POLG: variants seen among roughly 807,000 people sequenced by gnomAD.
POLG encodes the protein DNA polymerase subunit gamma-1.
In POLG, 110 loss-of-function variants were observed where a neutral mutation model predicts 155.4. The observed-to-expected ratio is 0.71, with a 90% CI of 0.61 to 0.83. The LOEUF (loss-of-function observed/expected upper bound fraction) is 0.83. Among genes scored for constraint, POLG ranks in the 40% least tolerant of loss-of-function variants. POLG has a pLI of 0.00. For missense variants in POLG, 1,685 were observed against 1,627.5 expected, an observed-to-expected ratio of 1.04 and a Z score of -0.61; for synonymous variants, 701 against 631.5, an observed-to-expected ratio of 1.11 and a Z score of -1.65.
Position 89,334,065 on chromosome 15 carries a change from C to T in POLG, c.-159-152G>A, listed in dbSNP as rs2055637197. ...TTAAGCCTCAAAACTTGGGAAACGT[C>T]AATACCCCTCCTGGGGGAACCGGGG... On this transcript the variant is annotated intron_variant, in intron 1 of 22. Transcript: ENST00000268124. 11 of 452,698 alleles carry T rather than the reference C, an allele frequency of 2.4e-5. No individual in the cohort carries two copies. In the South Asian group the frequency reaches 2.5e-4, roughly 10 times the overall value. The allele number at this position is 452,698 out of a possible 1,614,324, so 28.0% of individuals were successfully genotyped here.
chr15:89,323,606 C>A (rs992081910), intron 12 of POLG, 95 bp from the exon 13 acceptor site: 2 of 877,986 alleles, frequency 2.3e-6, no homozygotes, highest in Non-Finnish European at 1.9e-6. Flanking sequence ...CTGAAACTGT[C>A]GTCATCAGCT....
At chr15:89,317,304 T>C (rs570733403) in intron 22 of POLG, 72 bp downstream of exon 22, 2 of 1,513,332 alleles carry the variant, frequency 1.3e-6, no homozygotes, top group East Asian at 2.3e-5. Flanking sequence ...CCAAGTTTCC[T>C]GTTCTCCAAG....
In POLG at chr15:89,334,793, C is replaced by G. The variant is rs918405846; in HGVS notation, c.-280G>C. On this transcript the variant is annotated 5_prime_UTR_variant, in exon 1 of 23. Transcript: ENST00000268124. ...GCGTGTGGCCTCCACCCGGCCGGTC[C>G]GCTTCGCTGGCAGCCGCAACTTCCC... The G allele has an allele frequency of 9.8e-5, 15 of 152,334 alleles. No individual in the cohort carries two copies. Among genetic ancestry groups the G allele is most frequent in the African/African-American group, 3.6e-4 (15 of 41,474 alleles). The allele number at this position is 152,334 out of a possible 1,614,324, so 9.4% of individuals were successfully genotyped here.
At chr15:89,318,356 C>T (rs1253157152) in intron 21 of POLG, among the ~76,000 whole-genome samples, 185 bp downstream of exon 21, 4 of 151,448 alleles carry the variant, frequency 2.6e-5, no homozygotes, top group Non-Finnish European at 4.4e-5. Context: ...TCTTTTTTTA[C>T]GAATTGAGGC....
chr15:89,322,926 G>A (rs1490081699), intron 13 of POLG, 24 bp from the exon 14 acceptor site: 5 of 1,608,970 alleles, frequency 3.1e-6, no homozygotes, highest in Middle Eastern at 2.1e-4. Context: ...AGGAAGCAGG[G>A]GCTGGAGGCA....
rs1555453361 is a variant in POLG at position 89,325,223 on chromosome 15, A to AGAGT, written c.1949+223_1949+226dup. Among the ~76,000 whole-genome samples, 8 of 38,648 alleles carry AGAGT rather than the reference A, an allele frequency of 2.1e-4. 2 individuals carry two copies. Among genetic ancestry groups the AGAGT allele is most frequent in the African/African-American group, 3.9e-4 (3 of 7,714 alleles). 25.4% of individuals were successfully genotyped at this position (38,648 alleles called of 152,430 possible). On this transcript the variant is annotated intron_variant, in intron 10 of 22. Coordinates refer to ENST00000268124, the MANE Select transcript of POLG (RefSeq NM_002693.3). Reference sequence around the variant, plus strand: ...GTGAGTGAGAGAGTGAGTGAGTGAGAGAGTGAGTGAGAGAGTGAGTGAGTG... The same window carrying AGAGT: ...GTGAGTGAGAGAGTGAGTGAGTGAGAGAGTGAGTGAGTGAGAGAGTGAGTGAGTG...
chr15:89,320,061 T>G (rs1015825952), intron 18 of POLG, among the ~76,000 whole-genome samples: 1 of 152,240 alleles, frequency 6.6e-6, no homozygotes, highest in African/African-American at 2.4e-5. Flanking sequence ...CCTCACTTTA[T>G]CCACTGGACG....
At position 89,320,868 on chromosome 15, in the gene POLG, G is replaced by A. The variant is rs2055384153; in HGVS notation, c.2879C>T (p.Pro960Leu). Residue 960 changes from proline (P) to leucine (L), a missense_variant, in exon 18 of 23, where the codon CCC becomes CTC. This residue lies in a region of POLG where 470 missense variants were observed against 439.9 expected (regional missense o/e 1.07). Transcript: ENST00000268124. ...CTGCATTAGTAAGCGCTCAGCAAAG[G>A]GCTGCCCAGCACCATAGATGCGGCC... Reference protein sequence around the residue: ...NYGRIYGAGQPFAERLLMQFN... With the variant: ...NYGRIYGAGQLFAERLLMQFN... 6.2e-7 allele frequency: 1 copy of A among 1,613,902 alleles called. No individual in the cohort carries two copies. The highest frequency in any genetic ancestry group is 1.1e-5 in the South Asian group (1 of 91,092).
intron 7 of POLG, 27 bp downstream of exon 7, chr15:89,327,140 G>T: frequency 6.2e-7 from 1 of 1,614,202 alleles, no homozygotes; most frequent in Non-Finnish European, 8.5e-7. Flanking sequence ...CCCCTGCCTA[G>T]ATCCTGCCCA....
chr15:89,323,055 G>GCACGCACACACACACGTGCA (rs1567187979), intron 13 of POLG, among the ~76,000 whole-genome samples, 153 bp from the exon 14 acceptor site: 4 of 149,026 alleles, frequency 2.7e-5, no homozygotes, highest in Non-Finnish European at 5.9e-5. Context: ...GCGCACGCGC[G>GCACGCACACACACACGTGCA]CACGCACACA....
intron 10 of POLG, among the ~76,000 whole-genome samples, chr15:89,325,238 G>C (rs2055490972): frequency 9.4e-6 from 1 of 105,840 alleles, no homozygotes; most frequent in Non-Finnish European, 1.9e-5. Flanking sequence ...GAGTGAGAGA[G>C]TGAGTGAGTG....
At position 89,334,709 on chromosome 15, in the gene POLG, C is replaced by G. The variant is rs1002216560; in HGVS notation, c.-196G>C. 7.2e-5 allele frequency: 11 copies of G among 152,200 alleles called. No individual in the cohort carries two copies. Among genetic ancestry groups the G allele is most frequent in the Admixed American group, 6.5e-4 (10 of 15,292 alleles). 9.4% of individuals were successfully genotyped at this position (152,200 alleles called of 1,614,324 possible). A position where few individuals can be genotyped will look rare whatever the true frequency, so the allele number is the denominator to read the frequency against. On this transcript the variant is annotated 5_prime_UTR_variant, in exon 1 of 23. Coordinates refer to ENST00000268124, the MANE Select transcript of POLG (RefSeq NM_002693.3). Reference sequence around the variant, plus strand: ...CGGTGCTTCCCGGTCTGCTGCTCCCCCGACCCCAGGCCCACGGCACGGCGT... The same window carrying G: ...CGGTGCTTCCCGGTCTGCTGCTCCCGCGACCCCAGGCCCACGGCACGGCGT...
intron 10 of POLG, among the ~76,000 whole-genome samples, chr15:89,325,134 G>A (rs1567189479): frequency 1.4e-5 from 1 of 73,106 alleles, no homozygotes; most frequent in African/African-American, 5.2e-5. Flanking sequence ...GAGTGAGAGA[G>A]TGAGTGAGAG....
intron 21 of POLG, 94 bp from the exon 22 acceptor site, chr15:89,317,630 G>T: frequency 8.0e-7 from 1 of 1,243,982 alleles, no homozygotes; most frequent in Non-Finnish European, 1.2e-6. Context: ...TTAGAGCAGG[G>T]CTTCCCCTGG....
chr15:89,325,179 AG>A lies in POLG; in HGVS notation c.1949+270del, dbSNP rs1567189718. Among the ~76,000 whole-genome samples, 24 of 59,470 alleles carry A rather than the reference AG, an allele frequency of 4.0e-4. 6 individuals carry two copies. Among genetic ancestry groups the A allele is most frequent in the African/African-American group, 3.2e-3 (20 of 6,172 alleles). The allele number at this position is 59,470 out of a possible 152,430, so 39.0% of individuals were successfully genotyped here. A position where few individuals can be genotyped will look rare whatever the true frequency, so the allele number is the denominator to read the frequency against. Reference sequence around the variant, plus strand: ...GTGAGTGAGTGAGTGAGAGAGTGAGAGAGTGAGTGAGTGAGAGAGTGAGTGA... The same window carrying A: ...GTGAGTGAGTGAGTGAGAGAGTGAGAAGTGAGTGAGTGAGAGAGTGAGTGA... On this transcript the variant is annotated intron_variant, in intron 10 of 22. Coordinates refer to ENST00000268124, the MANE Select transcript of POLG (RefSeq NM_002693.3).
In POLG at chr15:89,321,797, G is replaced by A. The variant is rs755953640; in HGVS notation, c.2537C>T (p.Thr846Ile). 6.2e-7 allele frequency: 1 copy of A among 1,614,184 alleles called. No individual in the cohort carries two copies. The highest frequency in any genetic ancestry group is 8.5e-7 in the Non-Finnish European group (1 of 1,180,026). Residue 846 changes from threonine to isoleucine, a missense_variant, in exon 16 of 23, where the codon ACT becomes ATT. This residue lies in a region of POLG where 1,210 missense variants were observed against 1,167.1 expected (regional missense o/e 1.04). Transcript: ENST00000268124. Reference sequence around the variant, plus strand: ...AGCCCGGCGAGTGATGGTGCCGGCAGTCACCACTTGGGGCAGGATGGCCCC... The same window carrying A: ...AGCCCGGCGAGTGATGGTGCCGGCAATCACCACTTGGGGCAGGATGGCCCC... ...LYGAILPQVV[T>I]AGTITRRAVE...
intron 2 of POLG, among the ~76,000 whole-genome samples, chr15:89,331,056 A>C (rs2055587760): frequency 6.6e-6 from 1 of 152,200 alleles, no homozygotes; most frequent in South Asian, 2.1e-4. Flanking sequence ...TATTCTAAAC[A>C]ATCAAGGCCC....
intron 8 of POLG, 69 bp downstream of exon 8, chr15:89,326,842 AC>A (rs769423452): frequency 5.1e-5 from 82 of 1,607,034 alleles, no homozygotes; most frequent in Admixed American, 3.3e-4. Flanking sequence ...CTTTCGAAGG[AC>A]CCCCTCAATC....
rs1274418267 is a variant in POLG at position 89,325,167 on chromosome 15, T to A, written c.1949+283A>T. 1.7e-3 allele frequency among the ~76,000 whole-genome samples: 67 copies of A among 38,512 alleles called. 2 individuals carry two copies. The highest frequency in any genetic ancestry group is 4.5e-3 in the African/African-American group (29 of 6,482). The allele number at this position is 38,512 out of a possible 152,430, so 25.3% of individuals were successfully genotyped here. A position where few individuals can be genotyped will look rare whatever the true frequency, so the allele number is the denominator to read the frequency against. On this transcript the variant is annotated intron_variant, in intron 10 of 22. Transcript: ENST00000268124. ...GAGAGTGAGTGAGTGAGTGAGTGAG[T>A]GAGAGAGTGAGAGAGTGAGTGAGTG...
Sources: gnomAD v4.1 joint callset for allele counts (sites outside exome capture counted in the v4.1 genomes callset) on GRCh38, gnomAD v4.1.1 for gene constraint, gnomAD v4.1.1 regional missense constraint, MANE v1.5 for transcripts, NCBI Gene and HGNC (gene_info 2026-07-23, HGNC 2026-07-21) for gene names.